Variants in MYO1D observed in about 807,000 individuals in gnomAD.
MYO1D encodes myosin ID, also known as unconventional myosin-Id.
In MYO1D, 83 loss-of-function variants were observed where a neutral mutation model predicts 122.0. The observed-to-expected ratio is 0.68, with a 90% CI of 0.57 to 0.82. MYO1D has a LOEUF of 0.82. Ranked by LOEUF, MYO1D falls within the 40% of genes least tolerant of loss-of-function variation. MYO1D has a pLI of 0.00. For synonymous variants in MYO1D, 464 were observed against 446.9 expected (o/e 1.04, Z -0.48); for missense variants, 1,157 against 1,269.5 (o/e 0.91, Z 1.35).
chr17:32,601,491 T>C (rs1253854488), intron 21 of MYO1D, among the ~76,000 whole-genome samples: 1 of 152,128 alleles, frequency 6.6e-6, no homozygotes, highest in Non-Finnish European at 1.5e-5. Context: ...ATTACAGTAA[T>C]AACAAAGATC....
At chr17:32,809,439 T>TC (rs2090549969) in intron 1 of MYO1D, among the ~76,000 whole-genome samples, 1 of 151,224 alleles carries the variant, frequency 6.6e-6, no homozygotes, top group African/African-American at 2.4e-5. Context: ...GCCTTTTTTT[T>TC]TTTTTTTTTC....
chr17:32,547,774 C>T (rs1485163638), intron 21 of MYO1D, among the ~76,000 whole-genome samples: 1 of 151,680 alleles, frequency 6.6e-6, no homozygotes, highest in Non-Finnish European at 1.5e-5. Context: ...TGGCGAAACC[C>T]TGAATCTACT....
intron 1 of MYO1D, among the ~76,000 whole-genome samples, chr17:32,857,758 T>G (rs777857097): frequency 6.6e-6 from 1 of 152,160 alleles, no homozygotes; most frequent in Non-Finnish European, 1.5e-5. Context: ...GCCCAATCCC[T>G]TAATCAATAA....
chr17:32,604,772 C>T (rs114447028), intron 21 of MYO1D, among the ~76,000 whole-genome samples: 491 of 152,174 alleles, frequency 3.2e-3, no homozygotes, highest in Middle Eastern at 0.014. Context: ...GAAGCTATGA[C>T]GAGAAGAATA....
At chr17:32,630,498 G>A (rs2087989429) in intron 20 of MYO1D, among the ~76,000 whole-genome samples, 1 of 152,094 alleles carries the variant, frequency 6.6e-6, no homozygotes, top group Admixed American at 6.6e-5. Context: ...CAGACTAGGT[G>A]GCTTAAACAG....
At chr17:32,697,603 C>T (rs1053351959) in intron 16 of MYO1D, among the ~76,000 whole-genome samples, 3 of 149,190 alleles carry the variant, frequency 2.0e-5, no homozygotes, top group African/African-American at 7.5e-5. Flanking sequence ...TTTTCCAAAA[C>T]AAACAAAAAT....
intron 16 of MYO1D, among the ~76,000 whole-genome samples, chr17:32,678,081 G>A (rs1175915193): frequency 6.6e-6 from 1 of 152,012 alleles, no homozygotes; most frequent in Non-Finnish European, 1.5e-5. Context: ...CTGCTTAAAA[G>A]GTCTTTCAAA....
chr17:32,692,305 T>C (rs930871091), intron 16 of MYO1D, among the ~76,000 whole-genome samples: 1 of 152,234 alleles, frequency 6.6e-6, no homozygotes, highest in Non-Finnish European at 1.5e-5. Context: ...TTATATACAT[T>C]TGCTATAGCA....
chr17:32,608,859 T>C (rs2087663328), intron 20 of MYO1D, among the ~76,000 whole-genome samples: 2 of 152,140 alleles, frequency 1.3e-5, no homozygotes, highest in East Asian at 1.9e-4. Flanking sequence ...TGCAACAACA[T>C]AGATAAATCT....
At chr17:32,776,133 C>T in intron 3 of MYO1D, 104 bp from the exon 4 acceptor site, 5 of 959,372 alleles carry the variant, frequency 5.2e-6, no homozygotes, top group Non-Finnish European at 7.8e-6. Flanking sequence ...TACAAAGATG[C>T]TAACTCCAGC....
intron 21 of MYO1D, among the ~76,000 whole-genome samples, chr17:32,597,535 T>C (rs1032079063): frequency 1.1e-4 from 17 of 152,090 alleles, no homozygotes; most frequent in Admixed American, 7.9e-4. Flanking sequence ...TCTATATAAA[T>C]AGAGATATAT....
chr17:32,494,628 A>G lies in MYO1D; in HGVS notation c.*131T>C. The stretch of plus-strand genomic sequence containing the variant: ...GGCAGAAAACCAGGAAGGAAATCTT[A>G]CAGGGGCGGGGCTCCTCTGGGAGGG... On this transcript the variant is annotated 3_prime_UTR_variant, in exon 22 of 22. Transcript: ENST00000318217. The G allele has an allele frequency of 9.3e-7, 1 of 1,080,074 alleles. No individual in the cohort carries two copies. Among genetic ancestry groups the G allele is most frequent in the Non-Finnish European group, 1.3e-6 (1 of 775,016 alleles). 66.9% of individuals were successfully genotyped at this position (1,080,074 alleles called of 1,614,324 possible). A position where few individuals can be genotyped will look rare whatever the true frequency, so the allele number is the denominator to read the frequency against.
At position 32,662,009 on chromosome 17, in the gene MYO1D, T is replaced by C. The variant is rs547642419; in HGVS notation, c.2122-2671A>G. Among the ~76,000 whole-genome samples, 110 of 152,356 alleles carry C rather than the reference T, an allele frequency of 7.2e-4. 1 individual carries two copies. The highest frequency in any genetic ancestry group is 2.5e-3 in the African/African-American group (105 of 41,572). On this transcript the variant is annotated intron_variant, in intron 16 of 21. Transcript: ENST00000318217. The stretch of plus-strand genomic sequence containing the variant: ...TGTTTTTAAAATTTGCTTTATTTAC[T>C]ATAAACCTACTGCTAATTTTTGCCA...
chr17:32,722,811 T>G (rs2089527726), intron 14 of MYO1D, among the ~76,000 whole-genome samples: 2 of 152,096 alleles, frequency 1.3e-5, no homozygotes, highest in Non-Finnish European at 2.9e-5. Context: ...TTCAAAAACT[T>G]ATGAAATTTC....
intron 16 of MYO1D, among the ~76,000 whole-genome samples, chr17:32,704,809 A>T (rs917370871): frequency 6.6e-6 from 1 of 152,224 alleles, no homozygotes. Flanking sequence ...TAAGTCAGCT[A>T]TTACAAATAT....
chr17:32,630,392 C>T (rs1448800312), intron 20 of MYO1D, among the ~76,000 whole-genome samples: 3 of 152,142 alleles, frequency 2.0e-5, no homozygotes, highest in African/African-American at 7.2e-5. Context: ...GATTGCACAA[C>T]TGCATAAATT....
chr17:32,642,022 T>C (rs2088208127), intron 19 of MYO1D, among the ~76,000 whole-genome samples: 1 of 152,246 alleles, frequency 6.6e-6, no homozygotes, highest in Non-Finnish European at 1.5e-5. Context: ...TATGTCTGAA[T>C]GTTATTGCCT....
At chr17:32,602,308 T>C (rs1417039547) in intron 21 of MYO1D, among the ~76,000 whole-genome samples, 1 of 152,250 alleles carries the variant, frequency 6.6e-6, no homozygotes, top group Non-Finnish European at 1.5e-5. Context: ...CCTATTTGCA[T>C]GCCCGTAATC....
chr17:32,820,914 GGTTT>G (rs1404829820), intron 1 of MYO1D, among the ~76,000 whole-genome samples: 1 of 152,034 alleles, frequency 6.6e-6, no homozygotes, highest in East Asian at 1.9e-4. Flanking sequence ...TACATATGCA[GGTTT>G]GTTATATAGG....
Sources: allele counts gnomAD v4.1 joint callset (sites outside exome capture counted in the v4.1 genomes callset), GRCh38; gene constraint gnomAD v4.1.1; transcripts MANE v1.5; gene names NCBI Gene and HGNC (gene_info 2026-07-23, HGNC 2026-07-21).